Variants in IFT22 observed in about 807,000 individuals in gnomAD.
IFT22 encodes the protein intraflagellar transport protein 22 homolog.
Under a neutral mutation model 21.0 loss-of-function variants are expected in IFT22, and 13 were observed. That is an observed-to-expected ratio of 0.62 (90% CI 0.40 to 0.98). The LOEUF (loss-of-function observed/expected upper bound fraction) is 0.98. IFT22 is among the 50% of genes least tolerant of loss of function. The probability of loss-of-function intolerance (pLI) is 0.00; values close to 1 mark genes in which losing one functional copy is unlikely to be tolerated. For synonymous variants in IFT22, 67 were observed against 82.4 expected (o/e 0.81, Z 1.01); for missense variants, 227 against 228.9 (o/e 0.99, Z 0.06).
chr7:101,319,964 A>T (rs987329450), intron 1 of IFT22, among the ~76,000 whole-genome samples: 7 of 146,118 alleles, frequency 4.8e-5, no homozygotes, highest in African/African-American at 1.8e-4. Flanking sequence ...GTTTTATTTT[A>T]TTTTTTTTTT....
At chr7:101,319,725 C>A (rs567812721) in intron 1 of IFT22, among the ~76,000 whole-genome samples, 1 of 148,820 alleles carries the variant, frequency 6.7e-6, no homozygotes, top group African/African-American at 2.5e-5. Context: ...CTCACTGCAG[C>A]CTTGATCTGT....
chr7:101,320,839 G>C (rs935194451), intron 1 of IFT22, among the ~76,000 whole-genome samples: 1 of 151,846 alleles, frequency 6.6e-6, no homozygotes, highest in Non-Finnish European at 1.5e-5. Context: ...GCAAGATCCT[G>C]TCTCTACAAA....
At chr7:101,317,658 C>A (rs141730198) in intron 3 of IFT22, among the ~76,000 whole-genome samples, 1 of 152,074 alleles carries the variant, frequency 6.6e-6, no homozygotes, top group Non-Finnish European at 1.5e-5. Context: ...GCTCCTCATA[C>A]GTGCCAGGAA....
chr7:101,317,904 T>C (rs1470771511), intron 3 of IFT22, among the ~76,000 whole-genome samples: 2 of 152,084 alleles, frequency 1.3e-5, no homozygotes, highest in Non-Finnish European at 2.9e-5. Context: ...CCAACTGGGA[T>C]TACATGTGCC....
chr7:101,316,625 T>G, intron 3 of IFT22, 83 bp from the exon 4 acceptor site: 1 of 1,438,690 alleles, frequency 7.0e-7, no homozygotes, highest in Non-Finnish European at 9.6e-7. Context: ...ATCTTAGTAT[T>G]AAAAGTTGGT....
rs1790046168 is a variant in IFT22 at position 101,313,754 on chromosome 7, T to A, written c.*1380A>T. The A allele has an allele frequency of 6.6e-6, 1 of 152,214 alleles. No individual in the cohort carries two copies. Among genetic ancestry groups the A allele is most frequent in the Non-Finnish European group, 1.5e-5 (1 of 68,042 alleles). The allele number at this position is 152,214 out of a possible 1,614,324, so 9.4% of individuals were successfully genotyped here. A position where few individuals can be genotyped will look rare whatever the true frequency, so the allele number is the denominator to read the frequency against. On this transcript the variant is annotated 3_prime_UTR_variant, in exon 5 of 5. Coordinates refer to ENST00000315322, the MANE Select transcript of IFT22 (RefSeq NM_022777.4). ...AATTCTCAAATACAAAATCTATGAA[T>A]AAGGATCAAGTATACGTTCATTTGG...
In IFT22 at chr7:101,313,894, T is replaced by C. The variant is rs1790051236; in HGVS notation, c.*1240A>G. 6.6e-6 allele frequency: 1 copy of C among 151,924 alleles called. No homozygotes were observed. The highest frequency in any genetic ancestry group is 1.5e-5 in the Non-Finnish European group (1 of 67,954). The allele number at this position is 151,924 out of a possible 1,614,324, so 9.4% of individuals were successfully genotyped here. ...TAATTTATTTGAGACAGGATGTCTG[T>C]TGCCCAGGCTGGAGTATAGTGGCGC... On this transcript the variant is annotated 3_prime_UTR_variant, in exon 5 of 5. Coordinates refer to ENST00000315322, the MANE Select transcript of IFT22 (RefSeq NM_022777.4).
Position 101,316,534 on chromosome 7 carries a change from G to T in IFT22, c.215C>A (p.Ser72Tyr). 6.2e-7 allele frequency: 1 copy of T among 1,613,996 alleles called. No homozygotes were observed. The highest frequency in any genetic ancestry group is 8.5e-7 in the Non-Finnish European group (1 of 1,179,946). Residue 72 changes from serine (S) to tyrosine (Y), a missense_variant, in exon 4 of 5, where the codon TCC becomes TAC. Coordinates refer to ENST00000315322, the MANE Select transcript of IFT22 (RefSeq NM_022777.4). ...WDCGGDAKFE[S>Y]CWPALMKDAH... is the part of the protein sequence containing the mutation. ...ATCCTTCATCAGGGCCGGCCAGCAG[G>T]ACTCAAACCTGCGAGGAAGAAAAGG... is the stretch of plus-strand genomic sequence containing the variant.
rs1007398626 is a variant in IFT22, at chr7:101,313,935, C to T, written c.*1199G>A. 2.0e-5 allele frequency: 3 copies of T among 152,178 alleles called. No homozygotes were observed. The highest frequency in any genetic ancestry group is 7.2e-5 in the African/African-American group (3 of 41,428). The allele number at this position is 152,178 out of a possible 1,614,324, so 9.4% of individuals were successfully genotyped here. On this transcript the variant is annotated 3_prime_UTR_variant, in exon 5 of 5. Coordinates refer to ENST00000315322, the MANE Select transcript of IFT22 (RefSeq NM_022777.4). Reference sequence around the variant, plus strand: ...ATAGTGGCGCGATCTCGGCTCAGTGCAATCTCTGCCTCCCAGGCTCAAGCA... The same window carrying T: ...ATAGTGGCGCGATCTCGGCTCAGTGTAATCTCTGCCTCCCAGGCTCAAGCA...
chr7:101,321,766 G>C lies in IFT22; in HGVS notation c.-57C>G. On this transcript the variant is annotated 5_prime_UTR_variant, in exon 1 of 5. Transcript: ENST00000315322. The stretch of plus-strand genomic sequence containing the variant: ...CCACGGGAGGCGGCGCGTCAGGACG[G>C]AGCTCTACTTGGCCGCTTTCGTTTC... 3 of 1,513,066 alleles carry C rather than the reference G, an allele frequency of 2.0e-6. No individual in the cohort carries two copies. The highest frequency in any genetic ancestry group is 2.7e-6 in the Non-Finnish European group (3 of 1,122,402). 93.7% of individuals were successfully genotyped at this position (1,513,066 alleles called of 1,614,324 possible).
rs1790123882 is a variant in IFT22, at chr7:101,315,695, T to TC, written c.410-414dup. On this transcript the variant is annotated intron_variant, in intron 4 of 4. Transcript: ENST00000315322. ...AGGATTTTCCCACTCTGTATTCTGCTCTTTTTTTTTTTGAAACAGAGTTTC... is the reference window on the plus strand; with the variant it reads ...AGGATTTTCCCACTCTGTATTCTGCTCCTTTTTTTTTTTGAAACAGAGTTTC... The TC allele has an allele frequency of 4.8e-5, 10 of 210,410 alleles. No homozygotes were observed. In the South Asian group the frequency reaches 7.8e-4, roughly 16 times the overall value. The allele number at this position is 210,410 out of a possible 1,614,324, so 13.0% of individuals were successfully genotyped here.
chr7:101,317,909 T>A (rs918412931), intron 3 of IFT22, among the ~76,000 whole-genome samples: 1 of 152,114 alleles, frequency 6.6e-6, no homozygotes, highest in African/African-American at 2.4e-5. Flanking sequence ...TGGGATTACA[T>A]GTGCCTGCCA....
Position 101,315,190 on chromosome 7 carries a change from T to G in IFT22, c.502A>C (p.Ile168Leu). The change falls in exon 5 of 5, where the codon ATA (isoleucine) becomes CTA (leucine). Residue 168 changes from isoleucine to leucine, a missense_variant. Transcript: ENST00000315322. Reference protein sequence around the residue: ...RMEFIKYLKSIINSMSESRDR... With the variant: ...RMEFIKYLKSLINSMSESRDR... ...CTGCTCTCAGACATGGAGTTGATTA[T>G]GCTTTTTAAATACTTTATGAATTCC... 1.2e-6 allele frequency: 2 copies of G among 1,614,102 alleles called. No homozygotes were observed. Among genetic ancestry groups the G allele is most frequent in the Non-Finnish European group, 8.5e-7 (1 of 1,179,978 alleles).
Position 101,316,463 on chromosome 7 carries a change from G to T in IFT22, c.286C>A (p.Arg96=), listed in dbSNP as rs140464086. 4.3e-5 allele frequency: 69 copies of T among 1,614,096 alleles called. No individual in the cohort carries two copies. In the African/African-American group the frequency reaches 8.7e-4, roughly 20 times the overall value. ...IVFNADIPSH[R]KEMEMWYSCF... ...GAATACCACATCTCCATTTCCTTCC[G>T]GTGGCTTGGGATGTCAGCATTGAAG... is the stretch of plus-strand genomic sequence containing the variant. Residue 96 remains arginine (R), a synonymous_variant, in exon 4 of 5, where the codon CGG becomes AGG. Coordinates refer to ENST00000315322, the MANE Select transcript of IFT22 (RefSeq NM_022777.4).
chr7:101,318,108 T>C lies in IFT22; in HGVS notation c.206+16A>G, dbSNP rs1296472147. ...TAAACCATTTGATGAAGTGACTTTC[T>C]TTAAAGGAAACATACTTAGCATCGC... On this transcript the variant is annotated intron_variant, in intron 3 of 4. Coordinates refer to ENST00000315322, the MANE Select transcript of IFT22 (RefSeq NM_022777.4). 3.1e-6 allele frequency: 5 copies of C among 1,607,986 alleles called. No homozygotes were observed. The African/African-American group carries it at 6.7e-5, about 22-fold the overall frequency.
At chr7:101,315,599 A>G (rs1790120634) in intron 4 of IFT22, 1 of 307,200 alleles carries the variant, frequency 3.3e-6, no homozygotes, top group South Asian at 4.4e-5. Flanking sequence ...TGTTATGTGA[A>G]TTGGAGGTTT....
chr7:101,314,313 C>T lies in IFT22; in HGVS notation c.*821G>A, dbSNP rs1562930533. On this transcript the variant is annotated 3_prime_UTR_variant, in exon 5 of 5. Transcript: ENST00000315322. Reference sequence around the variant, plus strand: ...CTGGGATTACAGGCACGCGGCACCACACCCAGCTGATTTTTCTATTTTTAG... The same window carrying T: ...CTGGGATTACAGGCACGCGGCACCATACCCAGCTGATTTTTCTATTTTTAG... The T allele has an allele frequency of 6.6e-6, 1 of 152,070 alleles. No homozygotes were observed. The highest frequency in any genetic ancestry group is 1.5e-5 in the Non-Finnish European group (1 of 68,050). The allele number at this position is 152,070 out of a possible 1,614,324, so 9.4% of individuals were successfully genotyped here.
Position 101,313,658 on chromosome 7 carries a change from T to C in IFT22, c.*1476A>G, listed in dbSNP as rs1790042910. On this transcript the variant is annotated 3_prime_UTR_variant, in exon 5 of 5. Coordinates refer to ENST00000315322, the MANE Select transcript of IFT22 (RefSeq NM_022777.4). ...GCACTTCAAATTTTTTGTCTCTGTGTGTCTGCGAATAACTGAGAAAGTGCC... is the reference window on the plus strand; with the variant it reads ...GCACTTCAAATTTTTTGTCTCTGTGCGTCTGCGAATAACTGAGAAAGTGCC... 6.6e-6 allele frequency: 1 copy of C among 152,148 alleles called. No individual in the cohort carries two copies. Among genetic ancestry groups the C allele is most frequent in the Non-Finnish European group, 1.5e-5 (1 of 68,042 alleles). 9.4% of individuals were successfully genotyped at this position (152,148 alleles called of 1,614,324 possible). A position where few individuals can be genotyped will look rare whatever the true frequency, so the allele number is the denominator to read the frequency against.
chr7:101,315,050 A>C lies in IFT22; in HGVS notation c.*84T>G. ...TCTGCAGTCAGAGGGAGAAGAAAAC[A>C]TCAGGAGCTGGATGTGATTTCAGAT... is the stretch of plus-strand genomic sequence containing the variant. On this transcript the variant is annotated 3_prime_UTR_variant, in exon 5 of 5. Coordinates refer to ENST00000315322, the MANE Select transcript of IFT22 (RefSeq NM_022777.4). 1.4e-6 allele frequency: 2 copies of C among 1,459,412 alleles called. No individual in the cohort carries two copies. The highest frequency in any genetic ancestry group is 1.9e-6 in the Non-Finnish European group (2 of 1,075,040). 90.4% of individuals were successfully genotyped at this position (1,459,412 alleles called of 1,614,324 possible). A position where few individuals can be genotyped will look rare whatever the true frequency, so the allele number is the denominator to read the frequency against.
Sources: gnomAD v4.1 joint callset for allele counts (sites outside exome capture counted in the v4.1 genomes callset) on GRCh38, gnomAD v4.1.1 for gene constraint, MANE v1.5 for transcripts, NCBI Gene and HGNC (gene_info 2026-07-23, HGNC 2026-07-21) for gene names.